The following LRPPRC variants were observed in gnomAD, a reference collection of about 807,000 sequenced individuals.
The protein encoded by LRPPRC is leucine rich pentatricopeptide repeat containing, also known as leucine-rich PPR motif-containing protein, mitochondrial.
LRPPRC carries 120 observed loss-of-function variants against 180.3 expected under a neutral mutation model. That is an observed-to-expected ratio of 0.67 (90% CI 0.57 to 0.77). LRPPRC has a LOEUF of 0.77. LRPPRC is among the 30% of genes least tolerant of loss of function. The probability of loss-of-function intolerance (pLI) is 0.00; values close to 1 mark genes in which losing one functional copy is unlikely to be tolerated. For missense variants in LRPPRC, 2,012 were observed against 1,657.2 expected, an observed-to-expected ratio of 1.21 and a Z score of -3.72; for synonymous variants, 723 against 600.0, an observed-to-expected ratio of 1.21 and a Z score of -3.00.
chr2:43,960,508 C>T, intron 13 of LRPPRC, 33 bp downstream of exon 13: 1 of 1,113,042 alleles, frequency 9.0e-7, no homozygotes, highest in African/African-American at 1.5e-5. Flanking sequence ...AAATAAACAT[C>T]TATCAAGTTT....
At chr2:43,956,426 T>C (rs1027697490) in intron 14 of LRPPRC, among the ~76,000 whole-genome samples, 2 of 151,344 alleles carry the variant, frequency 1.3e-5, no homozygotes, top group Non-Finnish European at 2.9e-5. Flanking sequence ...TGCTGAAAGA[T>C]CCAGTGTCAT....
chr2:43,979,805 C>A, intron 3 of LRPPRC, 21 bp downstream of exon 3: 1 of 1,609,570 alleles, frequency 6.2e-7, no homozygotes, highest in Non-Finnish European at 8.5e-7. Context: ...TTATACACAT[C>A]ATATATTTAA....
intron 23 of LRPPRC, among the ~76,000 whole-genome samples, chr2:43,935,949 G>T (rs1672261164): frequency 6.6e-6 from 1 of 152,176 alleles, no homozygotes; most frequent in Non-Finnish European, 1.5e-5. Flanking sequence ...CGGGCGTGAT[G>T]GCGCATGCCT....
At chr2:43,907,217 C>G (rs1210918441) in intron 30 of LRPPRC, among the ~76,000 whole-genome samples, 2 of 152,160 alleles carry the variant, frequency 1.3e-5, no homozygotes. Flanking sequence ...CTCTCTCAAG[C>G]TGCCTGCTCA....
rs774585884 is a variant in LRPPRC at position 43,979,902 on chromosome 2, A to C, written c.393T>G (p.Gly131=). Residue 131 remains glycine, a synonymous_variant, in exon 3 of 38, where the codon GGT becomes GGG. Coordinates refer to ENST00000260665, the MANE Select transcript of LRPPRC (RefSeq NM_133259.4). ...SHALLLLRSC[G]SLLPELKLEE... is the part of the protein sequence containing the mutation. ...CAAGCTTTAGTTCAGGCAAGAGAGA[A>C]CCACAACTACGTAGTAGAAGCAAGG... The C allele has an allele frequency of 6.2e-7, 1 of 1,613,838 alleles. No individual in the cohort carries two copies. The highest frequency in any genetic ancestry group is 8.5e-7 in the Non-Finnish European group (1 of 1,179,804).
chr2:43,888,699 G>C (rs772604790), intron 37 of LRPPRC, 43 bp from the exon 38 acceptor site: 48 of 1,039,988 alleles, frequency 4.6e-5, no homozygotes, highest in Non-Finnish European at 7.0e-5. Flanking sequence ...ATACCAGCAA[G>C]AGGTGATGGT....
chr2:43,905,905 T>C (rs1406958524), intron 30 of LRPPRC, 125 bp from the exon 31 acceptor site: 1 of 748,230 alleles, frequency 1.3e-6, no homozygotes, highest in South Asian at 1.5e-5. Context: ...CTGCAAAATA[T>C]CGACCTGGAG....
chr2:43,923,945 A>G (rs926462805), intron 27 of LRPPRC, among the ~76,000 whole-genome samples: 1 of 152,168 alleles, frequency 6.6e-6, no homozygotes. Context: ...AATTCTATAC[A>G]TTCAATACCA....
chr2:43,983,447 G>A (rs1341352811), intron 1 of LRPPRC, among the ~76,000 whole-genome samples: 1 of 152,088 alleles, frequency 6.6e-6, no homozygotes, highest in Admixed American at 6.5e-5. Flanking sequence ...AATATAAGCT[G>A]TACCTGATTT....
At chr2:43,930,793 A>G (rs1158013968) in intron 25 of LRPPRC, among the ~76,000 whole-genome samples, 2 of 152,194 alleles carry the variant, frequency 1.3e-5, no homozygotes, top group Non-Finnish European at 2.9e-5. Context: ...CTGGTAGCAG[A>G]GCCAGAACTA....
At chr2:43,984,485 G>A (rs920491564) in intron 1 of LRPPRC, among the ~76,000 whole-genome samples, 3 of 152,126 alleles carry the variant, frequency 2.0e-5, no homozygotes, top group African/African-American at 2.4e-5. Flanking sequence ...CTGCAGCCGA[G>A]TCTCCTTCTC....
intron 11 of LRPPRC, among the ~76,000 whole-genome samples, chr2:43,964,823 G>C (rs1673487486): frequency 6.6e-6 from 1 of 152,004 alleles, no homozygotes; most frequent in Non-Finnish European, 1.5e-5. Context: ...CAATGCAACG[G>C]AACAAAGAAT....
chr2:43,892,675 G>C (rs1670533747), intron 36 of LRPPRC: 1 of 152,100 alleles, frequency 6.6e-6, no homozygotes, highest in African/African-American at 2.4e-5. Context: ...TGACTTTCAA[G>C]TCTTAACACA....
At position 43,981,126 on chromosome 2, in the gene LRPPRC, G is replaced by T. The variant is rs143589120; in HGVS notation, c.346+1112C>A. 3.3e-5 allele frequency among the ~76,000 whole-genome samples: 5 copies of T among 152,156 alleles called. No individual in the cohort carries two copies. In the South Asian group the frequency reaches 8.3e-4, roughly 25 times the overall value. ...TGTTTGCATGAGGCTTTTGGGGGTC[G>T]GGGGCAGGGAGTGAAAGACCTATAG... On this transcript the variant is annotated intron_variant, in intron 2 of 37. Coordinates refer to ENST00000260665, the MANE Select transcript of LRPPRC (RefSeq NM_133259.4).
At chr2:43,927,269 G>C (rs552443482) in intron 25 of LRPPRC, among the ~76,000 whole-genome samples, 5 of 152,086 alleles carry the variant, frequency 3.3e-5, no homozygotes, top group Admixed American at 6.5e-5. Context: ...AATCTCTTAA[G>C]TCCTCATTAT....
chr2:43,889,093 G>T (rs894821403), intron 37 of LRPPRC, among the ~76,000 whole-genome samples: 4 of 152,084 alleles, frequency 2.6e-5, no homozygotes, highest in Non-Finnish European at 5.9e-5. Context: ...GAGGTGGGCG[G>T]ATCACGAGGT....
At chr2:43,946,496 G>GT (rs1330563468) in intron 20 of LRPPRC, among the ~76,000 whole-genome samples, 2 of 151,974 alleles carry the variant, frequency 1.3e-5, no homozygotes, top group Non-Finnish European at 2.9e-5. Flanking sequence ...CAAATTTGAT[G>GT]TTTTAGGCTT....
chr2:43,995,921 A>ACG lies in LRPPRC; in HGVS notation c.25_26dup (p.Trp10ValfsTer45). The ACG allele has an allele frequency of 6.6e-7, 1 of 1,519,090 alleles. No individual in the cohort carries two copies. The highest frequency in any genetic ancestry group is 8.8e-7 in the Non-Finnish European group (1 of 1,140,714). 94.1% of individuals were successfully genotyped at this position (1,519,090 alleles called of 1,614,324 possible). ...GGGCCGCCCCGGCACGCAGCAACCA[A>ACG]CGCGCGGATCTCAGCAGGGCTGCCA... On this transcript the variant is annotated frameshift_variant, in exon 1 of 38. Coordinates refer to ENST00000260665, the MANE Select transcript of LRPPRC (RefSeq NM_133259.4). LOFTEE classifies it high-confidence loss of function.
At chr2:43,957,993 T>C (rs989447941) in intron 13 of LRPPRC, among the ~76,000 whole-genome samples, 1 of 152,268 alleles carries the variant, frequency 6.6e-6, no homozygotes, top group African/African-American at 2.4e-5. Flanking sequence ...ACGTCCGTTA[T>C]GTAATTGACT....
Sources: gnomAD v4.1 joint callset for allele counts (sites outside exome capture counted in the v4.1 genomes callset) on GRCh38, gnomAD v4.1.1 for gene constraint, MANE v1.5 for transcripts, NCBI Gene and HGNC (gene_info 2026-07-23, HGNC 2026-07-21) for gene names.